FAM227B: variants seen among roughly 807,000 people sequenced by gnomAD.
FAM227B encodes family with sequence similarity 227 member B.
In FAM227B, 88 loss-of-function variants were observed where a neutral mutation model predicts 73.8. The observed-to-expected ratio is 1.19, with a 90% CI of 1.00 to 1.42. The LOEUF (loss-of-function observed/expected upper bound fraction) is 1.42. Among genes scored for constraint, FAM227B ranks in the 40% most tolerant of loss-of-function variants. The pLI, the probability that FAM227B is intolerant of heterozygous loss-of-function variation, is 0.00. For missense variants in FAM227B, 632 were observed against 590.9 expected, an observed-to-expected ratio of 1.07 and a Z score of -0.72; for synonymous variants, 210 against 190.5, an observed-to-expected ratio of 1.10 and a Z score of -0.84.
At chr15:49,454,296 T>A (rs1478417457) in intron 11 of FAM227B, among the ~76,000 whole-genome samples, 3 of 152,188 alleles carry the variant, frequency 2.0e-5, no homozygotes, top group Admixed American at 6.5e-5. Context: ...TAGGTCTCTC[T>A]TGTGCATTTT....
chr15:49,366,521 G>T, intron 13 of FAM227B: 1 of 1,458,008 alleles, frequency 6.9e-7, no homozygotes, highest in Non-Finnish European at 9.6e-7. Flanking sequence ...ATTTTCTAGG[G>T]TACTTGGAAG....
chr15:49,361,215 ACTT>A (rs1352125638), intron 13 of FAM227B, among the ~76,000 whole-genome samples: 1 of 152,178 alleles, frequency 6.6e-6, no homozygotes, highest in Non-Finnish European at 1.5e-5. Context: ...AATTTAAAAA[ACTT>A]AAAAAATATT....
In FAM227B at chr15:49,452,512, T is replaced by C. The variant is rs561038207; in HGVS notation, c.1012+55699A>G. The stretch of plus-strand genomic sequence containing the variant: ...GCCAGAGAAACTGGATGTTATTTTC[T>C]GGTTCTTCATAAAAAGATCTATGCA... On this transcript the variant is annotated intron_variant, in intron 11 of 15. Coordinates refer to ENST00000299338, the MANE Select transcript of FAM227B (RefSeq NM_152647.3). Among the ~76,000 whole-genome samples, 34 of 152,352 alleles carry C rather than the reference T, an allele frequency of 2.2e-4. No homozygotes were observed. The South Asian group carries it at 7.0e-3, about 32-fold the overall frequency.
At chr15:49,550,287 C>A (rs1340287929) in intron 9 of FAM227B, among the ~76,000 whole-genome samples, 1 of 139,000 alleles carries the variant, frequency 7.2e-6, no homozygotes, top group Non-Finnish European at 1.6e-5. Context: ...GGCGGCCGGG[C>A]AGAGGCGCCC....
chr15:49,586,473 G>A (rs897633754), intron 5 of FAM227B, among the ~76,000 whole-genome samples: 1 of 152,132 alleles, frequency 6.6e-6, no homozygotes, highest in African/African-American at 2.4e-5. Flanking sequence ...CTGGACATAG[G>A]TATGGGCAAA....
chr15:49,589,315 T>G (rs1229161279), intron 4 of FAM227B, among the ~76,000 whole-genome samples: 2 of 152,098 alleles, frequency 1.3e-5, no homozygotes, highest in African/African-American at 4.8e-5. Context: ...TATTAGTTGA[T>G]GCAATCTTGC....
At chr15:49,395,056 G>T (rs527817710) in intron 11 of FAM227B, among the ~76,000 whole-genome samples, 2 of 152,234 alleles carry the variant, frequency 1.3e-5, no homozygotes, top group East Asian at 3.9e-4. Flanking sequence ...GTTAATCCAT[G>T]AGAGTCTGAA....
chr15:49,365,246 G>T, intron 13 of FAM227B: 1 of 1,123,042 alleles, frequency 8.9e-7, no homozygotes. Context: ...ACATTTCCAG[G>T]CAACAACTGA....
In FAM227B at chr15:49,489,807, A is replaced by ATATATATATATATTT. The variant is rs1281767205; in HGVS notation, c.1012+18389_1012+18403dup. 3.9e-4 allele frequency among the ~76,000 whole-genome samples: 20 copies of ATATATATATATATTT among 51,914 alleles called. 1 individual carries two copies. The highest frequency in any genetic ancestry group is 5.3e-4 in the Admixed American group (2 of 3,756). 34.1% of individuals were successfully genotyped at this position (51,914 alleles called of 152,430 possible). ...CAGGAGATATATATATATATTTTAT[A>ATATATATATATATTT]TATATATATATATTTTATATATATA... On this transcript the variant is annotated intron_variant, in intron 11 of 15. Transcript: ENST00000299338.
intron 11 of FAM227B, among the ~76,000 whole-genome samples, chr15:49,480,368 T>C (rs1449145992): frequency 6.6e-6 from 1 of 152,042 alleles, no homozygotes; most frequent in East Asian, 1.9e-4. Context: ...AGTGCTGTGG[T>C]GTGACCTCGG....
chr15:49,450,462 C>T (rs1304833328), intron 11 of FAM227B, among the ~76,000 whole-genome samples: 1 of 152,060 alleles, frequency 6.6e-6, no homozygotes, highest in Non-Finnish European at 1.5e-5. Context: ...TCCTCTTAGC[C>T]AGCTACACCA....
At chr15:49,361,593 C>T (rs924547683) in intron 13 of FAM227B, among the ~76,000 whole-genome samples, 4 of 152,170 alleles carry the variant, frequency 2.6e-5, no homozygotes, top group Non-Finnish European at 4.4e-5. Flanking sequence ...GTTTTTATGG[C>T]TGCACAGTAT....
intron 5 of FAM227B, among the ~76,000 whole-genome samples, chr15:49,579,586 G>C (rs2075681603): frequency 6.6e-6 from 1 of 152,140 alleles, no homozygotes; most frequent in Non-Finnish European, 1.5e-5. Flanking sequence ...AACTTAAAAA[G>C]TTTATTTCGT....
intron 11 of FAM227B, chr15:49,422,601 C>T (rs1170427465): frequency 6.6e-6 from 8 of 1,205,024 alleles, no homozygotes; most frequent in African/African-American, 3.0e-5. Flanking sequence ...GACCAATACA[C>T]CAATTTTACA....
At chr15:49,487,306 C>T (rs2152037230) in intron 11 of FAM227B, 1 of 151,690 alleles carries the variant, frequency 6.6e-6, no homozygotes, top group African/African-American at 2.4e-5. Context: ...AAATTAAATA[C>T]ATGAGTTTCT....
At chr15:49,410,952 G>A (rs1313682848) in intron 11 of FAM227B, among the ~76,000 whole-genome samples, 1 of 137,726 alleles carries the variant, frequency 7.3e-6, no homozygotes, top group Non-Finnish European at 1.6e-5. Context: ...GACAGAAAAA[G>A]CATTTGAGAG....
intron 13 of FAM227B, among the ~76,000 whole-genome samples, chr15:49,350,308 C>A (rs766207820): frequency 6.6e-6 from 1 of 152,146 alleles, no homozygotes; most frequent in Non-Finnish European, 1.5e-5. Flanking sequence ...TAAATGACCA[C>A]ACATGGCTAG....
intron 11 of FAM227B, among the ~76,000 whole-genome samples, chr15:49,418,504 A>T (rs1268357864): frequency 3.9e-5 from 6 of 152,194 alleles, no homozygotes; most frequent in African/African-American, 1.4e-4. Context: ...AGGAACGTGG[A>T]TGGAGCTGGA....
intron 11 of FAM227B, among the ~76,000 whole-genome samples, chr15:49,371,682 GA>G (rs1187604912): frequency 6.7e-6 from 1 of 148,978 alleles, no homozygotes; most frequent in Non-Finnish European, 1.5e-5. Context: ...ATAAATAAAT[GA>G]AATAAAATTC....
Sources: gnomAD v4.1 joint callset for allele counts (sites outside exome capture counted in the v4.1 genomes callset) on GRCh38, gnomAD v4.1.1 for gene constraint, MANE v1.5 for transcripts, NCBI Gene and HGNC (gene_info 2026-07-23, HGNC 2026-07-21) for gene names.